TRHDE: variants seen among roughly 807,000 people sequenced by gnomAD.
The protein encoded by TRHDE is thyrotropin releasing hormone degrading enzyme.
A neutral mutation model predicts 125.7 loss-of-function variants in TRHDE; 72 were observed. The observed-to-expected ratio is 0.57, with a 90% CI of 0.47 to 0.70. TRHDE has a LOEUF of 0.70. TRHDE is among the 30% of genes least tolerant of loss of function. The probability of loss-of-function intolerance (pLI) is 0.00; values close to 1 mark genes in which losing one functional copy is unlikely to be tolerated. For missense variants in TRHDE, 1,110 were observed against 1,327.1 expected, an observed-to-expected ratio of 0.84 and a Z score of 2.54; for synonymous variants, 509 against 509.1, an observed-to-expected ratio of 1.00 and a Z score of 0.00.
chr12:72,533,988 T>C (rs1248032292), intron 6 of TRHDE, among the ~76,000 whole-genome samples: 1 of 152,136 alleles, frequency 6.6e-6, no homozygotes, highest in African/African-American at 2.4e-5. Context: ...CAGTGAAAGA[T>C]ATATGCTGAA....
At chr12:72,134,213 T>C (rs147736591) in intron 2 of TRHDE, among the ~76,000 whole-genome samples, 2 of 152,180 alleles carry the variant, frequency 1.3e-5, no homozygotes, top group African/African-American at 4.8e-5. Context: ...GTCTGTTTTT[T>C]TCCCCCTAAG....
chr12:72,478,936 A>AC (rs1279848107), intron 5 of TRHDE, among the ~76,000 whole-genome samples: 40 of 151,264 alleles, frequency 2.6e-4, no homozygotes, highest in East Asian at 9.7e-4. Context: ...AAAAAAAAAA[A>AC]AAAAACAAAA....
At chr12:72,322,681 A>G (rs1433628890) in intron 2 of TRHDE, among the ~76,000 whole-genome samples, 4 of 152,142 alleles carry the variant, frequency 2.6e-5, no homozygotes, top group Admixed American at 2.6e-4. Flanking sequence ...TAATGGTACC[A>G]GGTGTTTTAT....
rs537541539 is a variant in TRHDE at position 72,304,551 on chromosome 12, T to C, written c.1188+17597T>C. 2.0e-5 allele frequency among the ~76,000 whole-genome samples: 3 copies of C among 152,286 alleles called. No individual in the cohort carries two copies. The South Asian group carries it at 6.2e-4, about 32-fold the overall frequency. ...TAGGCCTCTCTCCATGATAGCTAGT[T>C]CATGAATCAAGTAGAAAAAATACCT... On this transcript the variant is annotated intron_variant, in intron 2 of 18. Transcript: ENST00000261180.
chr12:72,606,368 G>A (rs1204326156), intron 12 of TRHDE, among the ~76,000 whole-genome samples: 3 of 152,198 alleles, frequency 2.0e-5, no homozygotes, highest in Admixed American at 2.0e-4. Flanking sequence ...TTAGCTCAAT[G>A]TAGGGAACAA....
At chr12:72,471,432 G>C (rs1876644786) in intron 4 of TRHDE, among the ~76,000 whole-genome samples, 1 of 152,168 alleles carries the variant, frequency 6.6e-6, no homozygotes, top group Non-Finnish European at 1.5e-5. Flanking sequence ...GGAAGTGAAA[G>C]CGCACCGATA....
chr12:72,295,254 C>T (rs933291074), intron 2 of TRHDE, among the ~76,000 whole-genome samples: 8 of 151,980 alleles, frequency 5.3e-5, no homozygotes, highest in African/African-American at 1.9e-4. Flanking sequence ...ACTGGGGAGC[C>T]CCACCCCAGC....
intron 12 of TRHDE, among the ~76,000 whole-genome samples, chr12:72,578,523 G>C (rs1871102847): frequency 6.6e-6 from 1 of 152,084 alleles, no homozygotes; most frequent in African/African-American, 2.4e-5. Context: ...CAAAAGTAAG[G>C]TGATATTCTA....
intron 3 of TRHDE, among the ~76,000 whole-genome samples, chr12:72,449,995 C>T (rs562880208): frequency 6.6e-5 from 10 of 151,908 alleles, no homozygotes; most frequent in African/African-American, 2.4e-4. Flanking sequence ...GTAGTGTGGT[C>T]TATGCTTCTT....
At chr12:72,276,915 TA>T (rs1879508299) in intron 1 of TRHDE, among the ~76,000 whole-genome samples, 1 of 152,214 alleles carries the variant, frequency 6.6e-6, no homozygotes, top group Admixed American at 6.5e-5. Context: ...TAGAATTAGG[TA>T]AAATGTCCGT....
At chr12:72,305,212 C>T (rs1291634402) in intron 2 of TRHDE, among the ~76,000 whole-genome samples, 1 of 152,092 alleles carries the variant, frequency 6.6e-6, no homozygotes, top group Non-Finnish European at 1.5e-5. Context: ...CAGCAAACAA[C>T]TCTGACAAAG....
intron 6 of TRHDE, among the ~76,000 whole-genome samples, chr12:72,536,338 T>A (rs1050136449): frequency 3.9e-5 from 6 of 152,130 alleles, no homozygotes; most frequent in African/African-American, 1.2e-4. Context: ...AAGATTTATT[T>A]GTTAAAGGAG....
chr12:72,099,334 T>C (rs1875012703), intron 1 of TRHDE, among the ~76,000 whole-genome samples: 1 of 152,204 alleles, frequency 6.6e-6, no homozygotes, highest in Non-Finnish European at 1.5e-5. Flanking sequence ...CATTTCTATG[T>C]CAGCATAGCC....
At chr12:72,621,551 C>A in intron 14 of TRHDE, 93 bp from the exon 15 acceptor site, 2 of 965,312 alleles carry the variant, frequency 2.1e-6, no homozygotes, top group Non-Finnish European at 1.5e-6. Flanking sequence ...GATCTAAAAA[C>A]CATTTTTATG....
intron 2 of TRHDE, among the ~76,000 whole-genome samples, chr12:72,238,779 T>A (rs1878415633): frequency 6.6e-6 from 1 of 152,194 alleles, no homozygotes; most frequent in Admixed American, 6.5e-5. Flanking sequence ...ACATTTTCTT[T>A]ATCAAGTCTA....
chr12:72,403,734 A>T (rs1455637484), intron 3 of TRHDE, among the ~76,000 whole-genome samples: 1 of 152,184 alleles, frequency 6.6e-6, no homozygotes, highest in Non-Finnish European at 1.5e-5. Flanking sequence ...AAGATTCTGG[A>T]ATGATGCCAA....
At chr12:72,186,455 A>G (rs1877215584) in intron 2 of TRHDE, 1 of 162,464 alleles carries the variant, frequency 6.2e-6, no homozygotes, top group South Asian at 1.9e-4. Flanking sequence ...CCACGAACCC[A>G]CCAGAAGGAA....
intron 2 of TRHDE, among the ~76,000 whole-genome samples, chr12:72,366,561 C>T (rs1035986779): frequency 2.0e-5 from 3 of 151,764 alleles, no homozygotes; most frequent in Non-Finnish European, 4.4e-5. Flanking sequence ...TGCAAGGCAT[C>T]GTATTAGACA....
rs762656433 is a variant in TRHDE, at chr12:72,101,962, A to T, written n.175-3686A>T. On this transcript the variant is annotated intron_variant and non_coding_transcript_variant, in intron 1 of 4. Transcript: ENST00000548156. The stretch of plus-strand genomic sequence containing the variant: ...AAAGGTAGCCTATTTTGTTTAGATC[A>T]TTTAAAATTTCAAAGTGTGTTGTTA... Among the ~76,000 whole-genome samples, 189 of 152,228 alleles carry T rather than the reference A, an allele frequency of 1.2e-3. 3 individuals are homozygous for T. Among genetic ancestry groups the T allele is most frequent in the Non-Finnish European group, 3.4e-4 (23 of 68,048 alleles).
Sources: allele counts gnomAD v4.1 joint callset (sites outside exome capture counted in the v4.1 genomes callset), GRCh38; gene constraint gnomAD v4.1.1; transcripts MANE v1.5; gene names NCBI Gene and HGNC (gene_info 2026-07-23, HGNC 2026-07-21).